ARHGAP32: variants seen among roughly 807,000 people sequenced by gnomAD.
ARHGAP32 encodes Rho GTPase activating protein 32.
In ARHGAP32, 51 loss-of-function variants were observed where a neutral mutation model predicts 186.5. That is an observed-to-expected ratio of 0.27 (90% CI 0.22 to 0.35). The LOEUF (loss-of-function observed/expected upper bound fraction) is 0.35. ARHGAP32 is among the 10% of genes least tolerant of loss of function. ARHGAP32 has a pLI of 1.00. For missense variants in ARHGAP32, 2,186 were observed against 2,623.5 expected (o/e 0.83, Z 3.64); for synonymous variants, 950 against 964.3 (o/e 0.99, Z 0.27).
At chr11:129,268,734 G>C (rs531711682) in intron 1 of ARHGAP32, among the ~76,000 whole-genome samples, 231 of 101,312 alleles carry the variant, frequency 2.3e-3, no homozygotes, top group Non-Finnish European at 3.6e-3. Context: ...TTACTAAATA[G>C]AAGACCAAAG....
intron 12 of ARHGAP32, among the ~76,000 whole-genome samples, chr11:128,989,510 T>A (rs1238612695): frequency 9.1e-6 from 1 of 110,432 alleles, no homozygotes; most frequent in Non-Finnish European, 2.0e-5. Flanking sequence ...TGTTTTGTTT[T>A]TTATTTCACA....
chr11:128,985,969 T>C, intron 15 of ARHGAP32, 34 bp downstream of exon 15: 1 of 1,538,352 alleles, frequency 6.5e-7, no homozygotes, highest in Non-Finnish European at 8.8e-7. Context: ...AACCGACTTC[T>C]ACCTCTGCCT....
At chr11:128,973,728 G>A in intron 21 of ARHGAP32, 1 of 535,106 alleles carries the variant, frequency 1.9e-6, no homozygotes, top group Non-Finnish European at 3.3e-6. Flanking sequence ...TAGAAAACAA[G>A]CTTCAAGTGC....
intron 1 of ARHGAP32, among the ~76,000 whole-genome samples, chr11:129,240,156 C>T (rs1944995562): frequency 6.6e-6 from 1 of 152,038 alleles, no homozygotes; most frequent in Non-Finnish European, 1.5e-5. Flanking sequence ...ATTCTCCTGC[C>T]AACCTCATCA....
At position 128,991,280 on chromosome 11, in the gene ARHGAP32, CTGAA is replaced by C. The variant is rs1259468812; in HGVS notation, c.1196-3159_1196-3156del. 9.2e-5 allele frequency among the ~76,000 whole-genome samples: 14 copies of C among 152,176 alleles called. No homozygotes were observed. The East Asian group carries it at 2.1e-3, about 23-fold the overall frequency. On this transcript the variant is annotated intron_variant, in intron 12 of 22. Transcript: ENST00000682385. ...ATTTTGTGTTCCCTGAGTAGAAGGA[CTGAA>C]TGTCTACACAAAAATCACATAATGA...
intron 1 of ARHGAP32, among the ~76,000 whole-genome samples, chr11:129,169,391 G>C (rs978496865): frequency 1.3e-5 from 2 of 152,074 alleles, no homozygotes; most frequent in Non-Finnish European, 2.9e-5. Context: ...CAGCACTTTG[G>C]GAGGCTGAGG....
intron 6 of ARHGAP32, among the ~76,000 whole-genome samples, chr11:129,077,754 C>T (rs1941091368): frequency 6.6e-6 from 1 of 152,122 alleles, no homozygotes; most frequent in Admixed American, 6.5e-5. Flanking sequence ...CATGGCCTCA[C>T]CCTTCACCTG....
chr11:129,182,885 G>A (rs2135536034), intron 1 of ARHGAP32, among the ~76,000 whole-genome samples: 1 of 151,830 alleles, frequency 6.6e-6, no homozygotes, highest in South Asian at 2.1e-4. Context: ...TGGCCTCAAG[G>A]GATCCTGCCA....
At chr11:129,097,383 A>G (rs1398035326) in intron 5 of ARHGAP32, among the ~76,000 whole-genome samples, 1 of 152,196 alleles carries the variant, frequency 6.6e-6, no homozygotes, top group South Asian at 2.1e-4. Context: ...ACAAACAACT[A>G]TCTTAAAGAT....
intron 5 of ARHGAP32, among the ~76,000 whole-genome samples, chr11:129,115,055 T>C (rs2135353268): frequency 6.6e-6 from 1 of 152,230 alleles, no homozygotes; most frequent in Non-Finnish European, 1.5e-5. Context: ...TCTTTTGTAG[T>C]TCTATAATGG....
chr11:129,201,392 T>C (rs565408177), intron 1 of ARHGAP32, among the ~76,000 whole-genome samples: 2 of 152,320 alleles, frequency 1.3e-5, no homozygotes, highest in African/African-American at 4.8e-5. Context: ...TTCATTATTA[T>C]ACATTCTATA....
chr11:129,049,903 GTACAGTAATTCC>G (rs1314660518), intron 10 of ARHGAP32, among the ~76,000 whole-genome samples: 1 of 152,194 alleles, frequency 6.6e-6, no homozygotes, highest in East Asian at 1.9e-4. Flanking sequence ...TGTGGTAAGT[GTACAGTAATTCC>G]TCCCTTAACG....
At chr11:129,156,197 A>AT (rs1943402223) in intron 2 of ARHGAP32, among the ~76,000 whole-genome samples, 1 of 152,104 alleles carries the variant, frequency 6.6e-6, no homozygotes, top group Non-Finnish European at 1.5e-5. Context: ...CTGCAGGAGT[A>AT]TTTTTTTCAT....
At chr11:129,022,251 A>T (rs1938625733) in intron 11 of ARHGAP32, among the ~76,000 whole-genome samples, 1 of 152,114 alleles carries the variant, frequency 6.6e-6, no homozygotes, top group Non-Finnish European at 1.5e-5. Flanking sequence ...TTTGAGATAA[A>T]TTTTTGTCAG....
intron 19 of ARHGAP32, among the ~76,000 whole-genome samples, chr11:128,977,261 G>C (rs1446381617): frequency 1.3e-5 from 2 of 152,172 alleles, no homozygotes; most frequent in Non-Finnish European, 2.9e-5. Flanking sequence ...GGAACTCTGG[G>C]ATACTAACAC....
chr11:129,237,292 C>T (rs1000447434), intron 1 of ARHGAP32, among the ~76,000 whole-genome samples: 1 of 152,152 alleles, frequency 6.6e-6, no homozygotes, highest in Non-Finnish European at 1.5e-5. Context: ...GTAAATCTCA[C>T]ATTTAAAGAA....
At chr11:129,230,111 C>G (rs559503976) in intron 1 of ARHGAP32, among the ~76,000 whole-genome samples, 2 of 152,152 alleles carry the variant, frequency 1.3e-5, no homozygotes, top group Non-Finnish European at 2.9e-5. Context: ...TTGTGCGCAG[C>G]CTTAATATAT....
At chr11:129,132,939 A>T (rs1942846359) in intron 2 of ARHGAP32, among the ~76,000 whole-genome samples, 1 of 152,200 alleles carries the variant, frequency 6.6e-6, no homozygotes, top group South Asian at 2.1e-4. Context: ...ATCCCAAATA[A>T]AAAATACTGG....
intron 5 of ARHGAP32, among the ~76,000 whole-genome samples, chr11:129,109,545 T>C (rs1050961098): frequency 2.0e-5 from 3 of 152,078 alleles, no homozygotes; most frequent in African/African-American, 4.8e-5. Context: ...CTGACAACAG[T>C]GTTTAAGAGG....
Sources: allele counts gnomAD v4.1 joint callset (sites outside exome capture counted in the v4.1 genomes callset), GRCh38; gene constraint gnomAD v4.1.1; transcripts MANE v1.5; gene names NCBI Gene and HGNC (gene_info 2026-07-23, HGNC 2026-07-21).